Variants in TAF6 observed in about 807,000 individuals in gnomAD.
The protein encoded by TAF6 is transcription initiation factor TFIID subunit 6.
A neutral mutation model predicts 73.5 loss-of-function variants in TAF6; 50 were observed. That is an observed-to-expected ratio of 0.68 (90% CI 0.54 to 0.86). The LOEUF (loss-of-function observed/expected upper bound fraction) is 0.86, where lower values mean the gene tolerates loss of function less well. Among genes scored for constraint, TAF6 ranks in the 40% least tolerant of loss-of-function variants. The pLI is 0.00. For missense variants in TAF6, 768 were observed against 899.5 expected, an observed-to-expected ratio of 0.85 and a Z score of 1.87; for synonymous variants, 424 against 376.7, an observed-to-expected ratio of 1.13 and a Z score of -1.45.
At chr7:100,118,058 AAAAC>A (rs1797824413) in intron 1 of TAF6, among the ~76,000 whole-genome samples, 3 of 150,826 alleles carry the variant, frequency 2.0e-5, no homozygotes, top group Non-Finnish European at 4.4e-5. Flanking sequence ...AAAAAAAAAA[AAAAC>A]AAAAAAAGCA....
At chr7:100,111,677 T>G (rs754740461) in intron 9 of TAF6, 51 bp downstream of exon 9, 10 of 1,572,764 alleles carry the variant, frequency 6.4e-6, no homozygotes, top group East Asian at 2.2e-5. Flanking sequence ...TTCCTGTTGG[T>G]GGCAGCAGGG....
intron 1 of TAF6, among the ~76,000 whole-genome samples, chr7:100,114,930 G>C (rs1010405493): frequency 2.0e-5 from 3 of 152,162 alleles, no homozygotes; most frequent in Non-Finnish European, 4.4e-5. Context: ...TGGGAAAACT[G>C]ATAGAGCCCA....
chr7:100,121,998 C>G (rs563572264), upstream of TAF6: 5 of 353,020 alleles, frequency 1.4e-5, no homozygotes, highest in Non-Finnish European at 2.6e-5. Flanking sequence ...GGCAGTGAGC[C>G]GAGACTGCGC....
rs1796722178 is a variant in TAF6 at position 100,107,961 on chromosome 7, T to C, written c.1621A>G (p.Met541Val). 6.2e-7 allele frequency: 1 copy of C among 1,613,712 alleles called. No individual in the cohort carries two copies. Among genetic ancestry groups the C allele is most frequent in the African/African-American group, 1.3e-5 (1 of 74,974 alleles). ...GATGGGGCGCTGGAGGACGATGACA[T>C]TACAATAAACTTGGTTGGAGGAGGG... ...PSPPPTKFIV[M>V]SSSSSAPSTQ... Residue 541 changes from methionine (M) to valine (V), a missense_variant, in exon 14 of 15, where the codon ATG (methionine) becomes GTG (valine). Around this residue, in one of 5 missense-constraint regions of TAF6, gnomAD observed 350 missense variants for 352.3 expected, o/e 0.99. Coordinates refer to ENST00000453269, the MANE Select transcript of TAF6 (RefSeq NM_139315.3).
chr7:100,109,902 TGCCTGTGTCTCAGTGG>T (rs1430750497), intron 12 of TAF6, 30 bp downstream of exon 12: 32 of 1,604,304 alleles, frequency 2.0e-5, no homozygotes, highest in Non-Finnish European at 2.6e-5. Flanking sequence ...TGCTAAACAC[TGCCTGTGTCTCAGTGG>T]GCAGGTGTGG....
At chr7:100,122,338 G>A (rs375260951), upstream of TAF6, 1 of 1,614,182 alleles carries the variant, frequency 6.2e-7, no homozygotes, top group Non-Finnish European at 8.5e-7. Context: ...AGCTGGGGCA[G>A]GTGCTGGATA....
chr7:100,117,083 T>C (rs2116851700), intron 1 of TAF6, among the ~76,000 whole-genome samples: 1 of 151,980 alleles, frequency 6.6e-6, no homozygotes, highest in South Asian at 2.1e-4. Flanking sequence ...CCATCTCTAC[T>C]AAAAATACAA....
upstream of TAF6, among the ~76,000 whole-genome samples, chr7:100,123,306 C>T (rs1366331687): frequency 1.3e-5 from 2 of 151,428 alleles, no homozygotes; most frequent in African/African-American, 4.9e-5. Flanking sequence ...CGCACCATTG[C>T]ACTCCAGCCA....
upstream of TAF6, chr7:100,123,051 T>G: frequency 1.1e-6 from 1 of 913,330 alleles, no homozygotes; most frequent in Non-Finnish European, 1.5e-6. Flanking sequence ...TTAAAGTGGG[T>G]CCAGGAGCGG....
Position 100,114,289 on chromosome 7 carries a change from G to A in TAF6, c.-59-21C>T, listed in dbSNP as rs1319430941. The A allele has an allele frequency of 5.0e-6, 8 of 1,608,196 alleles. No individual in the cohort carries two copies. The African/African-American group carries it at 9.3e-5, about 19-fold the overall frequency. ...AGACCCTGGCAGAGGAACGGGGCAGGCAGAAGAAAAAGAAACGTGAGACAC... is the reference window on the plus strand; with the variant it reads ...AGACCCTGGCAGAGGAACGGGGCAGACAGAAGAAAAAGAAACGTGAGACAC... On this transcript the variant is annotated intron_variant, in intron 1 of 14. Coordinates refer to ENST00000453269, the MANE Select transcript of TAF6 (RefSeq NM_139315.3).
chr7:100,112,816 T>C lies in TAF6; in HGVS notation c.556A>G (p.Thr186Ala). ...GPLKGKGQGA[T>A]TADGKGKEKK... ...GACTGACCTTTGCCGTCGGCTGTGGTGGCCCCTTGACCTTTGCCCTTCAGG... is the reference window on the plus strand; with the variant it reads ...GACTGACCTTTGCCGTCGGCTGTGGCGGCCCCTTGACCTTTGCCCTTCAGG... The change falls in exon 6 of 15, where the codon ACC becomes GCC. Residue 186 changes from threonine (T) to alanine (A), a missense_variant. Around this residue, in one of 5 missense-constraint regions of TAF6, gnomAD observed 269 missense variants for 268.0 expected, o/e 1.00. Coordinates refer to ENST00000453269, the MANE Select transcript of TAF6 (RefSeq NM_139315.3). 6.2e-7 allele frequency: 1 copy of C among 1,613,426 alleles called. No individual in the cohort carries two copies. The highest frequency in any genetic ancestry group is 8.5e-7 in the Non-Finnish European group (1 of 1,179,510).
At chr7:100,113,801 G>A (rs1797428101) in intron 3 of TAF6, 32 bp from the exon 4 acceptor site, 5 of 1,613,342 alleles carry the variant, frequency 3.1e-6, no homozygotes, top group East Asian at 2.2e-5. Flanking sequence ...TGGGTAAGAA[G>A]GGAGCCGGAG....
At chr7:100,116,295 G>A (rs1327380868) in intron 1 of TAF6, among the ~76,000 whole-genome samples, 1 of 152,032 alleles carries the variant, frequency 6.6e-6, no homozygotes, top group Non-Finnish European at 1.5e-5. Flanking sequence ...GGTGAGGTGG[G>A]AAGACTGCTT....
chr7:100,125,274 A>T, the TAF6 span: 1 of 186,998 alleles, frequency 5.3e-6, no homozygotes, highest in African/African-American at 2.4e-5. Context: ...TCCAAGGAAG[A>T]GGCCAGAACG....
chr7:100,122,892 T>C (rs764020432), upstream of TAF6: 4 of 1,613,032 alleles, frequency 2.5e-6, no homozygotes, highest in Middle Eastern at 1.7e-4. Context: ...GGAGGTCACA[T>C]ACCTCAAGAA....
At chr7:100,111,111 A>T in intron 10 of TAF6, 28 bp downstream of exon 10, 1 of 1,606,636 alleles carries the variant, frequency 6.2e-7, no homozygotes, top group South Asian at 1.1e-5. Context: ...GTGATGAAGC[A>T]AATGACGCTC....
upstream of TAF6, chr7:100,122,333 G>A: frequency 1.2e-6 from 2 of 1,614,176 alleles, no homozygotes; most frequent in Non-Finnish European, 1.7e-6. Flanking sequence ...GCTGGAGCTG[G>A]GGCAGGTGCT....
At chr7:100,122,986 G>A, upstream of TAF6, 1 of 1,465,748 alleles carries the variant, frequency 6.8e-7, no homozygotes, top group East Asian at 2.3e-5. Flanking sequence ...TTGACTATAG[G>A]GGATGTCTAC....
In TAF6 at chr7:100,112,228, C is replaced by T; in HGVS notation, c.600G>A (p.Leu200=). The change falls in exon 7 of 15, where the codon TTG becomes TTA. Residue 200 remains leucine, a synonymous_variant. Transcript: ENST00000453269. The part of the protein sequence containing the change: ...GKGKEKKAPP[L]LEGAPLRLKP... ...TCAGTCGCAAGGGGGCCCCCTCCAG[C>T]AAGGGCGGCGCCTTCTTCTCTTTCC... The T allele has an allele frequency of 6.2e-7, 1 of 1,614,070 alleles. No homozygotes were observed. The highest frequency in any genetic ancestry group is 8.5e-7 in the Non-Finnish European group (1 of 1,179,964).
Sources: gnomAD v4.1 joint callset for allele counts (sites outside exome capture counted in the v4.1 genomes callset) on GRCh38, gnomAD v4.1.1 for gene constraint, gnomAD v4.1.1 regional missense constraint, MANE v1.5 for transcripts, NCBI Gene and HGNC (gene_info 2026-07-23, HGNC 2026-07-21) for gene names.